The following H2BC5 variants were observed in gnomAD, a reference collection of about 807,000 sequenced individuals.
H2BC5 encodes the protein H2B clustered histone 5.
Under a neutral mutation model 5.7 loss-of-function variants are expected in H2BC5, and 9 were observed. The observed-to-expected ratio is 1.57, with a 90% CI of 0.95 to 2.74. H2BC5 has a LOEUF of 2.74. Ranked by LOEUF, H2BC5 falls within the 30% of genes most tolerant of loss-of-function variation. The pLI, the probability that H2BC5 is intolerant of heterozygous loss-of-function variation, is 0.00. For synonymous variants in H2BC5, 133 were observed against 70.9 expected (o/e 1.88, Z -4.40); for missense variants, 175 against 168.8 (o/e 1.04, Z -0.20).
At chr6:26,158,668 C>T, downstream of H2BC5, 2 of 1,433,574 alleles carry the variant, frequency 1.4e-6, no homozygotes, top group Non-Finnish European at 1.9e-6. Context: ...GACTTAGCAC[C>T]ACAGTACCAA....
rs112265942 is a variant in H2BC5, at chr6:26,170,689, G to A, written c.*10-286G>A. Among the ~76,000 whole-genome samples, 412 of 152,196 alleles carry A rather than the reference G, an allele frequency of 2.7e-3. 2 individuals are homozygous for A. The highest frequency in any genetic ancestry group is 0.012 in the East Asian group (64 of 5,188). On this transcript the variant is annotated intron_variant, in intron 1 of 1. Coordinates refer to the H2BC5 transcript ENST00000289316. Reference sequence around the variant, plus strand: ...AATCAGAGTGTTCAAATCTTTTCAGGTCAAAAATGAAAGGGAGAGAATATG... The same window carrying A: ...AATCAGAGTGTTCAAATCTTTTCAGATCAAAAATGAAAGGGAGAGAATATG...
intron 1 of H2BC5, among the ~76,000 whole-genome samples, chr6:26,167,049 C>CTTTTTTT (rs149341201): frequency 2.8e-4 from 27 of 97,028 alleles, no homozygotes; most frequent in East Asian, 6.7e-4. Flanking sequence ...TTTGTTTTCT[C>CTTTTTTT]TTTTTTTTTT....
intron 1 of H2BC5, among the ~76,000 whole-genome samples, chr6:26,168,469 AAAAT>A (rs1244582985): frequency 1.3e-5 from 2 of 151,960 alleles, no homozygotes; most frequent in East Asian, 1.9e-4. Context: ...TTAAAAAAAA[AAAAT>A]AAATAAATTA....
chr6:26,166,459 G>A lies in H2BC5; in HGVS notation c.*10-4516G>A, dbSNP rs116849170. 7.7e-3 allele frequency among the ~76,000 whole-genome samples: 1,167 copies of A among 152,062 alleles called. 11 individuals carry two copies. The highest frequency in any genetic ancestry group is 0.024 in the African/African-American group (993 of 41,448). On this transcript the variant is annotated intron_variant, in intron 1 of 1. Transcript: ENST00000289316. ...CCTTCAGGTCACGCAGCCATGTACTGTATCCAGCACCACAGAAACTTCATT... is the reference window on the plus strand; with the variant it reads ...CCTTCAGGTCACGCAGCCATGTACTATATCCAGCACCACAGAAACTTCATT...
downstream of H2BC5, chr6:26,158,649 G>A (rs1764284888): frequency 2.6e-6 from 4 of 1,531,926 alleles, no homozygotes; most frequent in East Asian, 2.3e-5. Flanking sequence ...TTCAAAAGGG[G>A]GGTTATTGGA....
At chr6:26,159,338 C>CT (rs1764313882), downstream of H2BC5, among the ~76,000 whole-genome samples, 1 of 137,058 alleles carries the variant, frequency 7.3e-6, no homozygotes, top group Non-Finnish European at 1.5e-5. Context: ...ATTAAGGTGC[C>CT]TGACTGCACG....
At position 26,158,559 on chromosome 6, in the gene H2BC5, A is replaced by T. The variant is rs373443476; in HGVS notation, c.*9A>T. 6.2e-7 allele frequency: 1 copy of T among 1,614,080 alleles called. No homozygotes were observed. The highest frequency in any genetic ancestry group is 1.3e-5 in the African/African-American group (1 of 75,066). The stretch of plus-strand genomic sequence containing the variant: ...ACACCAGTTCCAAGTAACTTTGCCA[A>T]GTAAGCATCTTTACACCTAATCCCA... On this transcript the variant is annotated 3_prime_UTR_variant, in exon 1 of 1. Coordinates refer to ENST00000377777, the MANE Select transcript of H2BC5 (RefSeq NM_021063.4).
At chr6:26,159,542 GAA>G (rs1764318399), downstream of H2BC5, among the ~76,000 whole-genome samples, 1 of 152,094 alleles carries the variant, frequency 6.6e-6, no homozygotes, top group Non-Finnish European at 1.5e-5. Flanking sequence ...GATTGCGGGA[GAA>G]AAAGAATCTC....
At position 26,158,194 on chromosome 6, in the gene H2BC5, C is replaced by T. The variant is rs749658570; in HGVS notation, c.25C>T (p.Pro9Ser). The change falls in exon 1 of 1, where the codon CCT (proline) becomes TCT (serine). Residue 9 changes from proline to serine, a missense_variant. By Grantham distance (74) the Pro-to-Ser change is moderately conservative (BLOSUM62 -1). Around this residue, in one of 4 missense-constraint regions of H2BC5, gnomAD observed 119 missense variants for 85.6 expected, o/e 1.39. Coordinates refer to ENST00000377777, the MANE Select transcript of H2BC5 (RefSeq NM_021063.4). ...GATGCCTGAACCTACCAAGTCTGCT[C>T]CTGCCCCAAAGAAGGGCTCCAAGAA... MPEPTKSAPAPKKGSKKAV... is the reference protein window; with the variant it reads MPEPTKSASAPKKGSKKAV... The T allele has an allele frequency of 4.3e-6, 7 of 1,614,056 alleles. No individual in the cohort carries two copies. The highest frequency in any genetic ancestry group is 1.6e-4 in the Middle Eastern group (1 of 6,084).
downstream of H2BC5, among the ~76,000 whole-genome samples, chr6:26,159,480 T>G (rs1469996958): frequency 6.6e-6 from 1 of 152,120 alleles, no homozygotes; most frequent in East Asian, 1.9e-4. Flanking sequence ...ATGTAGCTTC[T>G]GCTGCACAAG....
intron 1 of H2BC5, among the ~76,000 whole-genome samples, chr6:26,166,672 G>A (rs1764434628): frequency 6.7e-6 from 1 of 149,592 alleles, no homozygotes. Context: ...GTCGGCACGA[G>A]CAGAGGGGGA....
At chr6:26,160,428 G>A (rs374182283), downstream of H2BC5, among the ~76,000 whole-genome samples, 16 of 151,292 alleles carry the variant, frequency 1.1e-4, no homozygotes, top group Non-Finnish European at 1.8e-4. Flanking sequence ...GGAGCTGGGC[G>A]TGGTGGCTAA....
In H2BC5 at chr6:26,158,159, T is replaced by C. The variant is rs776701468; in HGVS notation, c.-11T>C. The C allele has an allele frequency of 1.1e-5, 17 of 1,611,032 alleles. No homozygotes were observed. In the Admixed American group the frequency reaches 2.2e-4, roughly 21 times the overall value. On this transcript the variant is annotated 5_prime_UTR_variant, in exon 1 of 1. Transcript: ENST00000377777. ...GGTGTTTGCAACAGTGTTCTAACTATTAACGCTACGATGCCTGAACCTACC... is the reference window on the plus strand; with the variant it reads ...GGTGTTTGCAACAGTGTTCTAACTACTAACGCTACGATGCCTGAACCTACC...
chr6:26,158,493 C>G lies in H2BC5; in HGVS notation c.324C>G (p.Ala108=). Residue 108 remains alanine (A), a synonymous_variant, in exon 1 of 1, where the codon GCC becomes GCG. Coordinates refer to ENST00000377777, the MANE Select transcript of H2BC5 (RefSeq NM_021063.4). The stretch of plus-strand genomic sequence containing the variant: ...GCCTGCTGCTTCCGGGGGAGCTGGC[C>G]AAGCACGCCGTGTCGGAGGGCACCA... The part of the protein sequence containing the change: ...AVRLLLPGEL[A]KHAVSEGTKA... 3 of 1,614,258 alleles carry G rather than the reference C, an allele frequency of 1.9e-6. No homozygotes were observed. The highest frequency in any genetic ancestry group is 2.5e-6 in the Non-Finnish European group (3 of 1,180,054).
At chr6:26,165,416 A>G (rs1390044649) in intron 1 of H2BC5, among the ~76,000 whole-genome samples, 4 of 152,026 alleles carry the variant, frequency 2.6e-5, no homozygotes, top group Non-Finnish European at 2.9e-5. Flanking sequence ...TGAAGCTGAC[A>G]TCCTGTGTCT....
rs941288960 is a variant in H2BC5 at position 26,158,502 on chromosome 6, C to A, written c.333C>A (p.Ala111=). The A allele has an allele frequency of 6.8e-6, 11 of 1,614,106 alleles. No homozygotes were observed. The African/African-American group carries it at 1.2e-4, about 18-fold the overall frequency. ...LLLPGELAKH[A]VSEGTKAVTK... Reference sequence around the variant, plus strand: ...TTCCGGGGGAGCTGGCCAAGCACGCCGTGTCGGAGGGCACCAAGGCCGTCA... The same window carrying A: ...TTCCGGGGGAGCTGGCCAAGCACGCAGTGTCGGAGGGCACCAAGGCCGTCA... Residue 111 remains alanine (A), a synonymous_variant, in exon 1 of 1, where the codon GCC becomes GCA. Transcript: ENST00000377777.
chr6:26,165,428 T>C (rs1764407380), intron 1 of H2BC5, among the ~76,000 whole-genome samples: 2 of 152,110 alleles, frequency 1.3e-5, no homozygotes, highest in Admixed American at 1.3e-4. Context: ...CCTGTGTCTG[T>C]ACACAGCTGC....
chr6:26,166,019 G>A (rs181428497), intron 1 of H2BC5, among the ~76,000 whole-genome samples: 122 of 152,310 alleles, frequency 8.0e-4, no homozygotes, highest in African/African-American at 2.3e-3. Context: ...ACACAGACTG[G>A]GATGTGTCTT....
intron 1 of H2BC5, among the ~76,000 whole-genome samples, chr6:26,165,033 T>C (rs983963227): frequency 2.0e-5 from 3 of 152,146 alleles, no homozygotes; most frequent in African/African-American, 4.8e-5. Context: ...TATTGAAAGA[T>C]GATTTATGTT....
Sources: gnomAD v4.1 joint callset for allele counts (sites outside exome capture counted in the v4.1 genomes callset) on GRCh38, gnomAD v4.1.1 for gene constraint, gnomAD v4.1.1 regional missense constraint, MANE v1.5 for transcripts, NCBI Gene and HGNC (gene_info 2026-07-23, HGNC 2026-07-21) for gene names.